LMO7: variants seen among roughly 807,000 people sequenced by gnomAD.
LMO7 encodes the protein LIM domain 7.
Under a neutral mutation model 206.5 loss-of-function variants are expected in LMO7, and 120 were observed. That is an observed-to-expected ratio of 0.58 (90% CI 0.50 to 0.68). The LOEUF is 0.68. Among genes scored for constraint, LMO7 ranks in the 30% least tolerant of loss-of-function variants. LMO7 has a pLI of 0.00. For missense variants in LMO7, 1,959 were observed against 1,957.9 expected, an observed-to-expected ratio of 1.00 and a Z score of -0.01; for synonymous variants, 706 against 681.5, an observed-to-expected ratio of 1.04 and a Z score of -0.56.
At chr13:75,784,032 C>G in intron 4 of LMO7, among the ~76,000 whole-genome samples, 1 of 152,028 alleles carries the variant, frequency 6.6e-6, no homozygotes, top group Non-Finnish European at 1.5e-5. Context: ...TTTTGTACCC[C>G]CCTTCCCTTG....
chr13:75,652,423 C>T (rs1293676037), intron 1 of LMO7, among the ~76,000 whole-genome samples: 2 of 152,210 alleles, frequency 1.3e-5, no homozygotes, highest in African/African-American at 4.8e-5. Flanking sequence ...TTCCTTCATT[C>T]TCTGCAGTCA....
intron 28 of LMO7, among the ~76,000 whole-genome samples, chr13:75,854,048 T>G: frequency 6.6e-6 from 1 of 152,166 alleles, no homozygotes. Context: ...GGGTGTTATG[T>G]TTTTATGTGG....
chr13:75,685,696 T>G (rs1800677129), intron 1 of LMO7, among the ~76,000 whole-genome samples: 1 of 151,908 alleles, frequency 6.6e-6, no homozygotes, highest in Non-Finnish European at 1.5e-5. Context: ...CCTGGAATGG[T>G]GGCTGATAGA....
chr13:75,711,858 A>G (rs926961503), intron 1 of LMO7, among the ~76,000 whole-genome samples: 1 of 152,170 alleles, frequency 6.6e-6, no homozygotes, highest in Non-Finnish European at 1.5e-5. Context: ...CATTCAGGTA[A>G]TGCCTGTAAC....
At position 75,853,187 on chromosome 13, in the gene LMO7, C is replaced by G. The variant is rs1180887810; in HGVS notation, c.4460C>G (p.Ser1487Cys). The stretch of plus-strand genomic sequence containing the variant: ...CCCACAGGATTCTATGCTTCTTCCT[C>G]TGTGCAAGACTTTAGTCGCCCACCA... ...NQPTGFYASS[S>C]VQDFSRPPPQ... is the part of the protein sequence containing the mutation. Residue 1487 changes from serine (S) to cysteine (C), a missense_variant, in exon 28 of 31, where the codon TCT becomes TGT. Ser to Cys is a moderately radical substitution (Grantham distance 112). Coordinates refer to ENST00000377534, the MANE Select transcript of LMO7 (RefSeq NM_001306080.2). 2 of 1,614,062 alleles carry G rather than the reference C, an allele frequency of 1.2e-6. No homozygotes were observed. Among genetic ancestry groups the G allele is most frequent in the Non-Finnish European group, 1.7e-6 (2 of 1,180,026 alleles).
rs1387528374 is a variant in LMO7, at chr13:75,838,183, A to G, written c.3438A>G (p.Gln1146=). The change falls in exon 20 of 31, where the codon CAA becomes CAG. Residue 1146 remains glutamine (Q), a synonymous_variant. Coordinates refer to ENST00000377534, the MANE Select transcript of LMO7 (RefSeq NM_001306080.2). ...ISLKNLKRRS[Q]FFEQGSSDSV... is the part of the protein sequence containing the mutation. ...TGAAAAACTTAAAAAGGCGATCACA[A>G]TTTTTTGAACAAGGTAAACCACAAA... 6.2e-7 allele frequency: 1 copy of G among 1,608,588 alleles called. No individual in the cohort carries two copies. The highest frequency in any genetic ancestry group is 8.5e-7 in the Non-Finnish European group (1 of 1,175,198).
intron 1 of LMO7, among the ~76,000 whole-genome samples, chr13:75,641,381 T>G (rs1212680761): frequency 6.6e-6 from 1 of 152,250 alleles, no homozygotes; most frequent in African/African-American, 2.4e-5. Flanking sequence ...AGTACCTTAC[T>G]GAGGTAACGT....
chr13:75,849,487 G>GTT (rs535615164), intron 27 of LMO7, among the ~76,000 whole-genome samples, 195 bp downstream of exon 27: 9 of 141,982 alleles, frequency 6.3e-5, no homozygotes, highest in African/African-American at 1.6e-4. Flanking sequence ...AATTCTGGCT[G>GTT]TTTTTTTTTT....
intron 4 of LMO7, among the ~76,000 whole-genome samples, chr13:75,769,558 TTA>T (rs1329471428): frequency 6.6e-6 from 1 of 152,106 alleles, no homozygotes; most frequent in African/African-American, 2.4e-5. Flanking sequence ...ATTGATATTT[TTA>T]TAGTGTAATA....
intron 2 of LMO7, among the ~76,000 whole-genome samples, chr13:75,631,086 G>T (rs919731145): frequency 1.3e-5 from 2 of 152,082 alleles, no homozygotes; most frequent in South Asian, 4.1e-4. Context: ...GAGTGCAGTC[G>T]TGCAATCTTG....
intron 3 of LMO7, among the ~76,000 whole-genome samples, chr13:75,734,284 G>T (rs2045584001): frequency 6.6e-6 from 1 of 152,134 alleles, no homozygotes; most frequent in South Asian, 2.1e-4. Context: ...GCGGGGCGTT[G>T]TCTGTGGAAA....
At chr13:75,655,822 C>T (rs1156970181) in intron 1 of LMO7, among the ~76,000 whole-genome samples, 1 of 151,908 alleles carries the variant, frequency 6.6e-6, no homozygotes, top group Non-Finnish European at 1.5e-5. Flanking sequence ...CTTGTTTGTT[C>T]TTTCTTTGGC....
At chr13:75,761,458 T>A (rs1027151570) in intron 4 of LMO7, among the ~76,000 whole-genome samples, 10 of 152,130 alleles carry the variant, frequency 6.6e-5, no homozygotes, top group Non-Finnish European at 8.8e-5. Flanking sequence ...GATAGGACAG[T>A]AGTAAAAAAG....
chr13:75,839,272 T>A (rs769923674), intron 20 of LMO7, among the ~76,000 whole-genome samples: 2 of 152,204 alleles, frequency 1.3e-5, no homozygotes, highest in Non-Finnish European at 2.9e-5. Flanking sequence ...TCCTTCTCTG[T>A]TCTAATTTTC....
At chr13:75,649,034 G>C (rs1451347497) in intron 1 of LMO7, among the ~76,000 whole-genome samples, 2 of 152,190 alleles carry the variant, frequency 1.3e-5, no homozygotes, top group African/African-American at 4.8e-5. Context: ...TAACATGGAA[G>C]TCTTTCAAGT....
Position 75,730,635 on chromosome 13 carries a change from C to A in LMO7, c.210+3537C>A, listed in dbSNP as rs1031213754. 3.5e-5 allele frequency among the ~76,000 whole-genome samples: 5 copies of A among 143,974 alleles called. No homozygotes were observed. The South Asian group carries it at 6.9e-4, about 20-fold the overall frequency. 94.5% of individuals were successfully genotyped at this position (143,974 alleles called of 152,430 possible). On this transcript the variant is annotated intron_variant, in intron 3 of 30. Coordinates refer to ENST00000377534, the MANE Select transcript of LMO7 (RefSeq NM_001306080.2). ...TTTTGTGTCTCTATTTCCTTCAGTTCTGCTCTGATTTTAGTTATTTCTTGC... is the reference window on the plus strand; with the variant it reads ...TTTTGTGTCTCTATTTCCTTCAGTTATGCTCTGATTTTAGTTATTTCTTGC...
At chr13:75,727,332 T>C (rs1226578371) in intron 3 of LMO7, among the ~76,000 whole-genome samples, 1 of 151,890 alleles carries the variant, frequency 6.6e-6, no homozygotes, top group Non-Finnish European at 1.5e-5. Context: ...AAACTAGATG[T>C]ATATTTAAAT....
chr13:75,755,228 A>T (rs1375381972), intron 3 of LMO7, among the ~76,000 whole-genome samples: 1 of 152,060 alleles, frequency 6.6e-6, no homozygotes, highest in African/African-American at 2.4e-5. Context: ...TTATTTACTC[A>T]TGAGTCTTCT....
intron 3 of LMO7, among the ~76,000 whole-genome samples, chr13:75,733,163 A>G (rs1232627115): frequency 1.3e-5 from 2 of 152,220 alleles, no homozygotes; most frequent in African/African-American, 4.8e-5. Flanking sequence ...AAGCTGTCAG[A>G]CAGGGACATT....
Sources: allele counts gnomAD v4.1 joint callset (sites outside exome capture counted in the v4.1 genomes callset), GRCh38; gene constraint gnomAD v4.1.1; transcripts MANE v1.5; gene names NCBI Gene and HGNC (gene_info 2026-07-23, HGNC 2026-07-21).